The following ZBTB10 variants were observed in gnomAD, a reference collection of about 807,000 sequenced individuals.
ZBTB10 encodes zinc finger and BTB domain containing 10.
Under a neutral mutation model 76.4 loss-of-function variants are expected in ZBTB10, and 32 were observed. That is an observed-to-expected ratio of 0.42 (90% CI 0.32 to 0.56). The LOEUF is 0.56. Ranked by LOEUF, ZBTB10 falls within the 20% of genes least tolerant of loss-of-function variation. The probability of loss-of-function intolerance (pLI) is 0.14; values close to 1 mark genes in which losing one functional copy is unlikely to be tolerated. For missense variants in ZBTB10, 1,057 were observed against 1,098.5 expected, an observed-to-expected ratio of 0.96 and a Z score of 0.53; for synonymous variants, 523 against 432.9, an observed-to-expected ratio of 1.21 and a Z score of -2.58.
Position 80,487,360 on chromosome 8 carries a change from A to G in ZBTB10, c.550A>G (p.Thr184Ala), listed in dbSNP as rs1258276756. The change falls in exon 1 of 6, where the codon ACC becomes GCC. Residue 184 changes from threonine to alanine, a missense_variant. Around this residue, in one of 5 missense-constraint regions of ZBTB10, gnomAD observed 556 missense variants for 451.7 expected, o/e 1.23. Coordinates refer to ENST00000455036, the MANE Select transcript of ZBTB10 (RefSeq NM_001105539.3). ...GGACGGCGCGTCCCTGAGCGACAGCACCGAGGACGAGGAGGAGGGGGCGAG... is the reference window on the plus strand; with the variant it reads ...GGACGGCGCGTCCCTGAGCGACAGCGCCGAGGACGAGGAGGAGGGGGCGAG... ...MQDGASLSDS[T>A]EDEEEGASLG... 1 of 1,528,890 alleles carries G rather than the reference A, an allele frequency of 6.5e-7. No individual in the cohort carries two copies. The highest frequency in any genetic ancestry group is 8.8e-7 in the Non-Finnish European group (1 of 1,135,042). 94.7% of individuals were successfully genotyped at this position (1,528,890 alleles called of 1,614,324 possible).
chr8:80,506,301 GT>G (rs1251549212), intron 2 of ZBTB10, among the ~76,000 whole-genome samples: 1 of 151,350 alleles, frequency 6.6e-6, no homozygotes, highest in African/African-American at 2.4e-5. Context: ...ATATTCATGG[GT>G]TTTTTTTCTT....
At position 80,522,155 on chromosome 8, in the gene ZBTB10, T is replaced by C. The variant is rs1816461859; in HGVS notation, c.*2627T>C. On this transcript the variant is annotated 3_prime_UTR_variant, in exon 6 of 6. Coordinates refer to ENST00000455036, the MANE Select transcript of ZBTB10 (RefSeq NM_001105539.3). The stretch of plus-strand genomic sequence containing the variant: ...AAAAAATAGTTTTAGTACTAAGGTA[T>C]ACTACTGGACATTTCTATTTTTTTA... 1 of 151,910 alleles carries C rather than the reference T, an allele frequency of 6.6e-6. No homozygotes were observed. The highest frequency in any genetic ancestry group is 1.5e-5 in the Non-Finnish European group (1 of 67,834). The allele number at this position is 151,910 out of a possible 1,614,324, so 9.4% of individuals were successfully genotyped here.
At position 80,524,431 on chromosome 8, in the gene ZBTB10, G is replaced by C. The variant is rs902012588; in HGVS notation, c.*4903G>C. The C allele has an allele frequency of 1.3e-5, 2 of 152,020 alleles. No individual in the cohort carries two copies. The highest frequency in any genetic ancestry group is 4.8e-5 in the African/African-American group (2 of 41,422). 9.4% of individuals were successfully genotyped at this position (152,020 alleles called of 1,614,324 possible). ...ATGGGTTGAAAAGCAAAGGTAAACTGCTTCATCCCATGTTGTATATTTGTG... is the reference window on the plus strand; with the variant it reads ...ATGGGTTGAAAAGCAAAGGTAAACTCCTTCATCCCATGTTGTATATTTGTG... On this transcript the variant is annotated 3_prime_UTR_variant, in exon 6 of 6. Coordinates refer to ENST00000455036, the MANE Select transcript of ZBTB10 (RefSeq NM_001105539.3).
chr8:80,486,901 G>A lies in ZBTB10; in HGVS notation c.91G>A (p.Ala31Thr). The change falls in exon 1 of 6, where the codon GCT becomes ACT. Residue 31 changes from alanine to threonine, a missense_variant. This residue lies in a region of ZBTB10 where 556 missense variants were observed against 451.7 expected (regional missense o/e 1.23). Transcript: ENST00000455036. Reference protein sequence around the residue: ...ASGGGSTNNNAGGEASAWPPQ... With the variant: ...ASGGGSTNNNTGGEASAWPPQ... ...CGGCGGCGGCTCCACGAACAATAAC[G>A]CTGGCGGGGAGGCCTCAGCTTGGCC... 6.6e-7 allele frequency: 1 copy of A among 1,511,232 alleles called. No homozygotes were observed. The highest frequency in any genetic ancestry group is 8.8e-7 in the Non-Finnish European group (1 of 1,133,046). The allele number at this position is 1,511,232 out of a possible 1,614,324, so 93.6% of individuals were successfully genotyped here.
At chr8:80,510,949 G>T (rs546186701) in intron 2 of ZBTB10, among the ~76,000 whole-genome samples, 23 of 152,268 alleles carry the variant, frequency 1.5e-4, no homozygotes, top group African/African-American at 4.6e-4. Flanking sequence ...TGTCAATTAA[G>T]TGGTTGGTTG....
intron 3 of ZBTB10, among the ~76,000 whole-genome samples, chr8:80,516,464 G>A (rs749524392): frequency 1.3e-5 from 2 of 152,304 alleles, no homozygotes; most frequent in Non-Finnish European, 2.9e-5. Flanking sequence ...GGATCATAAA[G>A]CTCAAACTTT....
upstream of ZBTB10, chr8:80,486,056 C>T (rs543425397): frequency 9.5e-7 from 1 of 1,049,968 alleles, no homozygotes; most frequent in Non-Finnish European, 1.3e-6. Flanking sequence ...GCCGCACCCC[C>T]GCCCCCAGGC....
chr8:80,489,041 A>G (rs1291283865), intron 1 of ZBTB10, among the ~76,000 whole-genome samples: 1 of 136,384 alleles, frequency 7.3e-6, no homozygotes, highest in Non-Finnish European at 1.5e-5. Flanking sequence ...TTAGTTGCCT[A>G]AGCCCTAGAA....
rs549192969 is a variant in ZBTB10 at position 80,493,181 on chromosome 8, C to G, written c.972+5399C>G. ...ACTCCAACTGGGGCGACAAGCAAGA[C>G]TGTGCCTCAAAACGCGCGCGCGCGC... On this transcript the variant is annotated intron_variant, in intron 1 of 5. Transcript: ENST00000455036. Among the ~76,000 whole-genome samples the G allele has an allele frequency of 3.4e-5, 5 of 147,940 alleles. No individual in the cohort carries two copies. In the South Asian group the frequency reaches 1.1e-3, roughly 32 times the overall value.
intron 1 of ZBTB10, among the ~76,000 whole-genome samples, chr8:80,499,103 C>T (rs913813180): frequency 3.3e-5 from 5 of 152,220 alleles, no homozygotes; most frequent in African/African-American, 4.8e-5. Flanking sequence ...TAAGTTCAAT[C>T]GGGGGAGACT....
At chr8:80,485,707 A>G (rs1314835966), upstream of ZBTB10, 6 of 1,370,122 alleles carry the variant, frequency 4.4e-6, no homozygotes, top group Non-Finnish European at 5.9e-6. Flanking sequence ...TTCGCGTGAA[A>G]GGCACCGCCT....
Position 80,521,927 on chromosome 8 carries a change from T to G in ZBTB10, c.*2399T>G, listed in dbSNP as rs1472316875. On this transcript the variant is annotated 3_prime_UTR_variant, in exon 6 of 6. Transcript: ENST00000455036. Reference sequence around the variant, plus strand: ...GCTATATTTTTAGTCAATTGAAATATGATACTTTAAAAGTTTGTTTTTAGG... The same window carrying G: ...GCTATATTTTTAGTCAATTGAAATAGGATACTTTAAAAGTTTGTTTTTAGG... The G allele has an allele frequency of 6.6e-6, 1 of 151,896 alleles. No individual in the cohort carries two copies. Among genetic ancestry groups the G allele is most frequent in the Non-Finnish European group, 1.5e-5 (1 of 67,802 alleles). 9.4% of individuals were successfully genotyped at this position (151,896 alleles called of 1,614,324 possible).
intron 1 of ZBTB10, among the ~76,000 whole-genome samples, chr8:80,490,197 G>A (rs932846225): frequency 1.3e-5 from 2 of 152,138 alleles, no homozygotes; most frequent in Non-Finnish European, 2.9e-5. Flanking sequence ...GTTTCGTTAT[G>A]TATGCAAAGT....
intron 1 of ZBTB10, among the ~76,000 whole-genome samples, chr8:80,496,194 C>T (rs922264812): frequency 4.6e-5 from 7 of 152,140 alleles, no homozygotes; most frequent in Non-Finnish European, 1.0e-4. Context: ...TTGTCTCTGG[C>T]ACTAAGAATT....
At chr8:80,510,950 T>C (rs1490727904) in intron 2 of ZBTB10, among the ~76,000 whole-genome samples, 3 of 152,156 alleles carry the variant, frequency 2.0e-5, no homozygotes, top group South Asian at 2.1e-4. Context: ...GTCAATTAAG[T>C]GGTTGGTTGT....
intron 3 of ZBTB10, among the ~76,000 whole-genome samples, chr8:80,517,121 A>G (rs978938922): frequency 6.6e-6 from 1 of 152,168 alleles, no homozygotes; most frequent in Non-Finnish European, 1.5e-5. Context: ...GAAAGTCTCT[A>G]GCTTTTACTG....
rs575817397 is a variant in ZBTB10 at position 80,506,569 on chromosome 8, C to A, written c.1861+6187C>A. Among the ~76,000 whole-genome samples the A allele has an allele frequency of 1.6e-3, 216 of 131,368 alleles. 2 individuals are homozygous for A. The highest frequency in any genetic ancestry group is 2.5e-3 in the Admixed American group (34 of 13,800). The allele number at this position is 131,368 out of a possible 152,430, so 86.2% of individuals were successfully genotyped here. ...CCTGACCTCAGGTGATCCACCCCCC[C>A]CCCAACCCCCGCCTCAGCCTCCCAA... is the stretch of plus-strand genomic sequence containing the variant. On this transcript the variant is annotated intron_variant, in intron 2 of 5. Transcript: ENST00000455036.
At position 80,487,243 on chromosome 8, in the gene ZBTB10, A is replaced by T; in HGVS notation, c.433A>T (p.Thr145Ser). ...TGGCAGTAGCCGCGGCCGCCCCGAG[A>T]CCTCGGTGTGGCCCTTGAGGCATTT... Reference protein sequence around the residue: ...NNGSSRGRPETSVWPLRHFNG... With the variant: ...NNGSSRGRPESSVWPLRHFNG... Residue 145 changes from threonine to serine, a missense_variant, in exon 1 of 6, where the codon ACC (threonine) becomes TCC (serine). Around this residue, in one of 5 missense-constraint regions of ZBTB10, gnomAD observed 556 missense variants for 451.7 expected, o/e 1.23. Coordinates refer to ENST00000455036, the MANE Select transcript of ZBTB10 (RefSeq NM_001105539.3). The T allele has an allele frequency of 6.5e-7, 1 of 1,549,090 alleles. No individual in the cohort carries two copies. The highest frequency in any genetic ancestry group is 8.7e-7 in the Non-Finnish European group (1 of 1,149,164).
At chr8:80,517,871 C>CTTTTTTTTTTTTTTTTTT (rs773074047) in intron 3 of ZBTB10, among the ~76,000 whole-genome samples, 4 of 76,842 alleles carry the variant, frequency 5.2e-5, no homozygotes, top group African/African-American at 1.8e-4. Flanking sequence ...CGCCCGCCAC[C>CTTTTTTTTTTTTTTTTTT]TTTTTTTTTT....
Sources: gnomAD v4.1 joint callset for allele counts (sites outside exome capture counted in the v4.1 genomes callset) on GRCh38, gnomAD v4.1.1 for gene constraint, gnomAD v4.1.1 regional missense constraint, MANE v1.5 for transcripts, NCBI Gene and HGNC (gene_info 2026-07-23, HGNC 2026-07-21) for gene names.